CCDC9B: variants seen among roughly 807,000 people sequenced by gnomAD.
CCDC9B encodes coiled-coil domain-containing protein 9B.
In CCDC9B, 40 loss-of-function variants were observed where a neutral mutation model predicts 47.2. That is an observed-to-expected ratio of 0.85 (90% CI 0.66 to 1.10). The LOEUF is 1.10. CCDC9B is among the 50% of genes least tolerant of loss of function. The pLI is 0.00. For missense variants in CCDC9B, 662 were observed against 651.0 expected (o/e 1.02, Z -0.18); for synonymous variants, 238 against 250.7 (o/e 0.95, Z 0.48).
At chr15:40,337,133 G>C (rs1595713167) in intron 7 of CCDC9B, 3 of 631,308 alleles carry the variant, frequency 4.8e-6, no homozygotes, top group African/African-American at 1.8e-5. Flanking sequence ...ACCTCAAAGA[G>C]ACCCCGGGCC....
chr15:40,336,068 A>T (rs1165899960), intron 9 of CCDC9B: 18 of 984,960 alleles, frequency 1.8e-5, no homozygotes, highest in Non-Finnish European at 1.9e-5. Context: ...AGGGGCCTCC[A>T]CCTCCTCTGG....
rs552988838 is a variant in CCDC9B at position 40,338,438 on chromosome 15, C to T, written c.513+97G>A. On this transcript the variant is annotated intron_variant, in intron 5 of 10. Coordinates refer to ENST00000397536, the MANE Select transcript of CCDC9B (RefSeq NM_207380.3). ...ACTCCTGCATGTGCTCCCTTGGCCA[C>T]GTCCCCGCAAATGAGGGACATATCT... 22 of 1,406,596 alleles carry T rather than the reference C, an allele frequency of 1.6e-5. No individual in the cohort carries two copies. The East Asian group carries it at 2.3e-4, about 15-fold the overall frequency. The allele number at this position is 1,406,596 out of a possible 1,614,324, so 87.1% of individuals were successfully genotyped here.
intron 6 of CCDC9B, 41 bp from the exon 7 acceptor site, chr15:40,337,487 C>A: frequency 6.7e-7 from 1 of 1,501,398 alleles, no homozygotes. Context: ...TGCACAGAAG[C>A]TGCCGCGGGC....
Position 40,336,830 on chromosome 15 carries a change from A to T in CCDC9B, c.743-17T>A, listed in dbSNP as rs1408077080. ...TCCTGGGACCTGCGGGGGACAAAAG[A>T]AGTGGGGAAAGGTGGGGTGACAAAG... On this transcript the variant is annotated splice_polypyrimidine_tract_variant and intron_variant, in intron 7 of 10. Transcript: ENST00000397536. The T allele has an allele frequency of 6.3e-7, 1 of 1,589,204 alleles. No individual in the cohort carries two copies. The highest frequency in any genetic ancestry group is 2.3e-5 in the East Asian group (1 of 44,170).
At position 40,333,237 on chromosome 15, in the gene CCDC9B, A is replaced by AG. The variant is rs1888890986; in HGVS notation, c.*1920dup. The stretch of plus-strand genomic sequence containing the variant: ...CCTTAACTACTCAAAACCATGGTCC[A>AG]GGAACCAGCATGGGCTTCACCTGAA... On this transcript the variant is annotated 3_prime_UTR_variant, in exon 11 of 11. Transcript: ENST00000397536. 6.6e-6 allele frequency: 1 copy of AG among 152,242 alleles called. No homozygotes were observed. Among genetic ancestry groups the AG allele is most frequent in the South Asian group, 2.1e-4 (1 of 4,818 alleles). 9.4% of individuals were successfully genotyped at this position (152,242 alleles called of 1,614,324 possible).
chr15:40,339,574 C>T lies in CCDC9B; in HGVS notation c.169G>A (p.Val57Met), dbSNP rs765794908. 1.6e-5 allele frequency: 26 copies of T among 1,613,538 alleles called. No homozygotes were observed. The highest frequency in any genetic ancestry group is 2.7e-5 in the African/African-American group (2 of 74,882). Residue 57 changes from valine to methionine, a missense_variant, in exon 3 of 11, where the codon GTG becomes ATG. Physicochemically the swap from Val to Met is conservative, Grantham distance 21. Transcript: ENST00000397536. The part of the protein sequence containing the change: ...RRQAEQGGMA[V>M]TTPALLQPDG... Reference sequence around the variant, plus strand: ...GGCTGGAGGAGTGCTGGTGTGGTCACAGCCATCCCCCCCTGCTCTGCCTGC... The same window carrying T: ...GGCTGGAGGAGTGCTGGTGTGGTCATAGCCATCCCCCCCTGCTCTGCCTGC...
In CCDC9B at chr15:40,333,588, A is replaced by AAAAAG. The variant is rs1888898766; in HGVS notation, c.*1569_*1570insCTTTT. ...AACTAAAAAAAAAAAAAAAAAAAAA[A>AAAAAG]GACGAACTCTCAGGCCCTCCCCAGA... On this transcript the variant is annotated 3_prime_UTR_variant, in exon 11 of 11. Transcript: ENST00000397536. 3.3e-5 allele frequency: 5 copies of AAAAAG among 150,654 alleles called. No individual in the cohort carries two copies. The highest frequency in any genetic ancestry group is 1.2e-4 in the African/African-American group (5 of 40,912). The allele number at this position is 150,654 out of a possible 1,614,324, so 9.3% of individuals were successfully genotyped here. A position where few individuals can be genotyped will look rare whatever the true frequency, so the allele number is the denominator to read the frequency against.
rs930168121 is a variant in CCDC9B at position 40,334,941 on chromosome 15, C to G, written c.*217G>C. 37 of 421,128 alleles carry G rather than the reference C, an allele frequency of 8.8e-5. No homozygotes were observed. The highest frequency in any genetic ancestry group is 6.7e-4 in the African/African-American group (33 of 49,368). 26.1% of individuals were successfully genotyped at this position (421,128 alleles called of 1,614,324 possible). ...ACAGGAATACACCAGGGGCTGTGCC[C>G]GTGCGTGAAAACACACATGTGCACA... On this transcript the variant is annotated 3_prime_UTR_variant, in exon 11 of 11. Coordinates refer to ENST00000397536, the MANE Select transcript of CCDC9B (RefSeq NM_207380.3).
chr15:40,338,983 G>C, intron 3 of CCDC9B, 80 bp from the exon 4 acceptor site: 1 of 1,526,006 alleles, frequency 6.6e-7, no homozygotes, highest in Non-Finnish European at 9.0e-7. Flanking sequence ...GGTTCCCCAG[G>C]CCTGGGTTCC....
chr15:40,340,310 G>A (rs943698323), intron 1 of CCDC9B: 4 of 427,654 alleles, frequency 9.4e-6, no homozygotes, highest in South Asian at 7.8e-5. Flanking sequence ...CTTCACTGCC[G>A]AGCAGAGCCT....
At chr15:40,339,722 G>A (rs1889047396) in intron 2 of CCDC9B, 103 bp from the exon 3 acceptor site, 1 of 1,545,646 alleles carries the variant, frequency 6.5e-7, no homozygotes, top group South Asian at 1.2e-5. Flanking sequence ...GACACCAGGG[G>A]GCAGAGGCGC....
intron 9 of CCDC9B, 95 bp downstream of exon 9, chr15:40,336,479 G>A (rs1159390860): frequency 1.3e-6 from 2 of 1,494,204 alleles, no homozygotes; most frequent in Non-Finnish European, 1.8e-6. Context: ...GGAGGCAGGG[G>A]CCCCAGGGAT....
chr15:40,338,796 G>A lies in CCDC9B; in HGVS notation c.339C>T (p.Cys113=), dbSNP rs1310065237. 7 of 1,614,088 alleles carry A rather than the reference G, an allele frequency of 4.3e-6. No individual in the cohort carries two copies. The highest frequency in any genetic ancestry group is 1.7e-5 in the Admixed American group (1 of 60,024). Residue 113 remains cysteine, a synonymous_variant, in exon 4 of 11, where the codon TGC becomes TGT. Transcript: ENST00000397536. The part of the protein sequence containing the change: ...EDAEDHGGTF[C]LGELVELAVT... ...CAGCCAGCTCCACCAGCTCCCCTAA[G>A]CAGAAAGTACCCCCGTGGTCCTCAG...
rs1888869055 is a variant in CCDC9B at position 40,331,990 on chromosome 15, C to T, written c.*3168G>A. The T allele has an allele frequency of 6.6e-6, 1 of 152,354 alleles. No individual in the cohort carries two copies. The highest frequency in any genetic ancestry group is 1.5e-5 in the Non-Finnish European group (1 of 68,120). 9.4% of individuals were successfully genotyped at this position (152,354 alleles called of 1,614,324 possible). On this transcript the variant is annotated 3_prime_UTR_variant, in exon 11 of 11. Transcript: ENST00000397536. ...GAGACCTTAGGTAAAGCCAGCATCT[C>T]CCTACCAGCTCCTCCCTCCTCCTGT...
chr15:40,336,519 A>T, intron 9 of CCDC9B, 55 bp downstream of exon 9: 2 of 1,592,924 alleles, frequency 1.3e-6, no homozygotes, highest in South Asian at 1.1e-5. Context: ...GTACTGGTCC[A>T]GGAAATTGGG....
chr15:40,339,939 C>A lies in CCDC9B; in HGVS notation c.89G>T (p.Arg30Leu). ...GCGGAGCAAGGCCTGGTTCTTCTTG[C>A]GCAGGGCAACTATCCTCCGATCCAG... ...AELDRRIVAL[R>L]KKNQALLRRY... The change falls in exon 2 of 11, where the codon CGC (arginine) becomes CTC (leucine). Residue 30 changes from arginine (R) to leucine (L), a missense_variant. Transcript: ENST00000397536. The A allele has an allele frequency of 6.2e-7, 1 of 1,613,800 alleles. No individual in the cohort carries two copies. The highest frequency in any genetic ancestry group is 1.1e-5 in the South Asian group (1 of 91,090).
rs779236778 is a variant in CCDC9B, at chr15:40,336,645, G to A, written c.816C>T (p.Ser272=). Residue 272 remains serine (S), a synonymous_variant, in exon 9 of 11, where the codon AGC becomes AGT. Coordinates refer to ENST00000397536, the MANE Select transcript of CCDC9B (RefSeq NM_207380.3). ...CTGTGGCTGGTGCCACCGAGGGTCTGCTGGCTTGCCCGCCCCGACCTGCAA... is the reference window on the plus strand; with the variant it reads ...CTGTGGCTGGTGCCACCGAGGGTCTACTGGCTTGCCCGCCCCGACCTGCAA... ...PDGKGRGGQA[S]RPSVAPATGS... 6.8e-6 allele frequency: 11 copies of A among 1,612,778 alleles called. No homozygotes were observed. Among genetic ancestry groups the A allele is most frequent in the Non-Finnish European group, 4.2e-6 (5 of 1,179,256 alleles).
chr15:40,337,518 C>T (rs1014086081), intron 6 of CCDC9B, 72 bp from the exon 7 acceptor site: 3 of 1,371,498 alleles, frequency 2.2e-6, no homozygotes, highest in African/African-American at 2.9e-5. Context: ...CACCCCCCTC[C>T]CCGAAGCCCA....
intron 1 of CCDC9B, 21 bp downstream of exon 1, chr15:40,340,787 C>G: frequency 6.2e-7 from 1 of 1,601,730 alleles, no homozygotes; most frequent in Non-Finnish European, 8.5e-7. Context: ...AGCCCCCTGC[C>G]AAAGGCAGAC....
Sources: allele counts gnomAD v4.1 joint callset, GRCh38; gene constraint gnomAD v4.1.1; transcripts MANE v1.5; gene names NCBI Gene and HGNC (gene_info 2026-07-23, HGNC 2026-07-21).